Variants in DNAJC1 observed in about 807,000 individuals in gnomAD.
DNAJC1 encodes the protein dnaJ homolog subfamily C member 1.
DNAJC1 carries 58 observed loss-of-function variants against 76.6 expected under a neutral mutation model. The observed-to-expected ratio is 0.76, with a 90% CI of 0.61 to 0.94. The LOEUF (loss-of-function observed/expected upper bound fraction) is 0.94. Ranked by LOEUF, DNAJC1 falls within the 40% of genes least tolerant of loss-of-function variation. The pLI is 0.00. For synonymous variants in DNAJC1, 258 were observed against 267.9 expected (o/e 0.96, Z 0.36); for missense variants, 689 against 677.3 (o/e 1.02, Z -0.19).
At chr10:21,867,669 G>A (rs565100320) in intron 8 of DNAJC1, among the ~76,000 whole-genome samples, 29 of 152,188 alleles carry the variant, frequency 1.9e-4, no homozygotes, top group African/African-American at 6.8e-4. Context: ...ACATGGCACT[G>A]GATTTGACCT....
intron 7 of DNAJC1, among the ~76,000 whole-genome samples, chr10:21,883,293 C>CACACACACA (rs1836313674): frequency 6.7e-6 from 1 of 149,748 alleles, no homozygotes; most frequent in Non-Finnish European, 1.5e-5. Context: ...CACACACACA[C>CACACACACA]ACCATTTTAA....
chr10:21,824,702 T>TA (rs1433629187), intron 8 of DNAJC1, among the ~76,000 whole-genome samples: 11 of 152,176 alleles, frequency 7.2e-5, no homozygotes, highest in African/African-American at 2.7e-4. Flanking sequence ...AACCTGCCCT[T>TA]ATTCTTTTAT....
chr10:21,993,821 T>C (rs751782249), intron 1 of DNAJC1, among the ~76,000 whole-genome samples: 3 of 152,204 alleles, frequency 2.0e-5, no homozygotes, highest in Admixed American at 6.5e-5. Context: ...GGCAGATAAT[T>C]GAAATATTTT....
At chr10:21,758,307 C>A (rs1244762309) in intron 11 of DNAJC1, among the ~76,000 whole-genome samples, 1 of 152,186 alleles carries the variant, frequency 6.6e-6, no homozygotes, top group Non-Finnish European at 1.5e-5. Context: ...TCTCACTGTT[C>A]CTGGTTCCTC....
intron 8 of DNAJC1, among the ~76,000 whole-genome samples, chr10:21,828,864 A>C (rs1055330088): frequency 6.6e-6 from 1 of 152,176 alleles, no homozygotes; most frequent in African/African-American, 2.4e-5. Flanking sequence ...TCATAAAAGA[A>C]CTTCAGGAAT....
intron 7 of DNAJC1, among the ~76,000 whole-genome samples, chr10:21,901,211 G>C (rs2131741574): frequency 6.6e-6 from 1 of 152,226 alleles, no homozygotes; most frequent in African/African-American, 2.4e-5. Flanking sequence ...TTTAATTCTG[G>C]TTTTGTTTTA....
intron 9 of DNAJC1, among the ~76,000 whole-genome samples, chr10:21,802,113 T>C (rs1369236883): frequency 6.6e-6 from 1 of 151,988 alleles, no homozygotes; most frequent in East Asian, 1.9e-4. Context: ...AACCTGCACA[T>C]GTTTTCTAAA....
At chr10:21,920,014 C>T in intron 4 of DNAJC1, 85 bp from the exon 5 acceptor site, 1 of 806,518 alleles carries the variant, frequency 1.2e-6, no homozygotes, top group African/African-American at 1.7e-5. Flanking sequence ...GAAGGGTAAA[C>T]ATTATAGAGG....
rs182955618 is a variant in DNAJC1 at position 21,979,543 on chromosome 10, T to C, written c.222+23670A>G. Among the ~76,000 whole-genome samples, 22 of 152,138 alleles carry C rather than the reference T, an allele frequency of 1.4e-4. No individual in the cohort carries two copies. The East Asian group carries it at 2.7e-3, about 19-fold the overall frequency. On this transcript the variant is annotated intron_variant, in intron 1 of 11. Transcript: ENST00000376980. ...CTGTACCTCAACCCTATTTTTCCCA[T>C]AGGTACTGTTATTTTTAGGGTGTGA...
At chr10:21,801,011 T>C (rs1564791226) in intron 9 of DNAJC1, among the ~76,000 whole-genome samples, 1 of 152,184 alleles carries the variant, frequency 6.6e-6, no homozygotes, top group Non-Finnish European at 1.5e-5. Flanking sequence ...TTGTCCCAGT[T>C]CTACTAACAA....
At chr10:21,760,638 G>C (rs1173531707) in intron 10 of DNAJC1, among the ~76,000 whole-genome samples, 1 of 152,232 alleles carries the variant, frequency 6.6e-6, no homozygotes, top group Non-Finnish European at 1.5e-5. Flanking sequence ...ACCACTTGGT[G>C]TAGTACTGAG....
At chr10:21,815,514 C>T (rs916575755) in intron 8 of DNAJC1, among the ~76,000 whole-genome samples, 1 of 152,164 alleles carries the variant, frequency 6.6e-6, no homozygotes, top group African/African-American at 2.4e-5. Context: ...AAGTTTTCTA[C>T]CAGCAGTATC....
chr10:21,994,082 A>C (rs1047731546), intron 1 of DNAJC1, among the ~76,000 whole-genome samples: 9 of 152,208 alleles, frequency 5.9e-5, no homozygotes, highest in Non-Finnish European at 2.9e-5. Flanking sequence ...TCAGCATTAC[A>C]TGAAATGTAT....
intron 9 of DNAJC1, among the ~76,000 whole-genome samples, chr10:21,805,162 G>GT (rs1478622489): frequency 6.6e-6 from 1 of 151,992 alleles, no homozygotes; most frequent in African/African-American, 2.4e-5. Context: ...TTTGCTTTCA[G>GT]TAACCCTCTA....
chr10:21,837,370 C>T (rs536193176), intron 8 of DNAJC1, among the ~76,000 whole-genome samples: 8 of 152,144 alleles, frequency 5.3e-5, no homozygotes, highest in Admixed American at 5.2e-4. Context: ...GCCTGGCCGC[C>T]CATCGTCTGG....
intron 7 of DNAJC1, among the ~76,000 whole-genome samples, chr10:21,883,475 T>C (rs1836316720): frequency 6.6e-6 from 1 of 152,200 alleles, no homozygotes; most frequent in African/African-American, 2.4e-5. Context: ...GACAAATTCC[T>C]AGAAGAGAAT....
At chr10:21,971,174 G>A (rs1341750712) in intron 1 of DNAJC1, among the ~76,000 whole-genome samples, 2 of 151,658 alleles carry the variant, frequency 1.3e-5, no homozygotes. Flanking sequence ...AATCTTACAT[G>A]TAGCATAACA....
At chr10:21,787,899 G>A (rs1251054434) in intron 9 of DNAJC1, among the ~76,000 whole-genome samples, 2 of 152,218 alleles carry the variant, frequency 1.3e-5, no homozygotes, top group Non-Finnish European at 2.9e-5. Context: ...GCTGTGGCCT[G>A]CATGGCCACC....
intron 1 of DNAJC1, among the ~76,000 whole-genome samples, chr10:21,950,203 C>T (rs544686698): frequency 4.3e-4 from 65 of 152,196 alleles, no homozygotes; most frequent in African/African-American, 1.4e-3. Context: ...GTATGGGTGC[C>T]ATTTTTCCAA....
Sources: allele counts gnomAD v4.1 joint callset (sites outside exome capture counted in the v4.1 genomes callset), GRCh38; gene constraint gnomAD v4.1.1; transcripts MANE v1.5; gene names NCBI Gene and HGNC (gene_info 2026-07-23, HGNC 2026-07-21).